TAFA4: variants seen among roughly 807,000 people sequenced by gnomAD.
TAFA4 encodes chemokine-like protein TAFA-4.
A neutral mutation model predicts 21.1 loss-of-function variants in TAFA4; 20 were observed. The observed-to-expected ratio is 0.95, with a 90% confidence interval of 0.67 to 1.38. The LOEUF is 1.38. Among genes scored for constraint, TAFA4 ranks in the 40% most tolerant of loss-of-function variants. TAFA4 has a pLI of 0.00. For synonymous variants in TAFA4, 71 were observed against 67.4 expected, an observed-to-expected ratio of 1.05 and a Z score of -0.26; for missense variants, 211 against 180.9, an observed-to-expected ratio of 1.17 and a Z score of -0.95.
intron 1 of TAFA4, among the ~76,000 whole-genome samples, chr3:68,903,240 C>T (rs950149411): frequency 8.5e-5 from 13 of 152,060 alleles, no homozygotes; most frequent in Admixed American, 3.3e-4. Flanking sequence ...CTGCCAGCCT[C>T]GAGAATGGGA....
At chr3:68,743,941 A>G (rs1193468270) in intron 4 of TAFA4, among the ~76,000 whole-genome samples, 1 of 152,210 alleles carries the variant, frequency 6.6e-6, no homozygotes, top group African/African-American at 2.4e-5. Flanking sequence ...TCTGAATACC[A>G]CAGATTGGTT....
At chr3:68,852,693 A>G (rs1390786163) in intron 3 of TAFA4, among the ~76,000 whole-genome samples, 4 of 152,166 alleles carry the variant, frequency 2.6e-5, no homozygotes, top group African/African-American at 9.7e-5. Flanking sequence ...ACCCATGATC[A>G]ATTTCTTTTC....
chr3:68,844,304 TA>T (rs1237486736), intron 3 of TAFA4, among the ~76,000 whole-genome samples: 2 of 152,220 alleles, frequency 1.3e-5, no homozygotes, highest in Admixed American at 1.3e-4. Context: ...TTTATTTGCA[TA>T]GAGGTGTTTA....
intron 3 of TAFA4, among the ~76,000 whole-genome samples, chr3:68,878,466 T>C (rs2089578976): frequency 6.6e-6 from 1 of 152,204 alleles, no homozygotes; most frequent in Admixed American, 6.5e-5. Context: ...GTTGAGTTTC[T>C]GAAACTTCCT....
rs146387949 is a variant in TAFA4 at position 68,856,928 on chromosome 3, G to A, written c.130+23802C>T. ...GTGACCTTGAGTTACACACAGAATG[G>A]GTCTGAGCCTCAACATAAACATGAC... On this transcript the variant is annotated intron_variant, in intron 3 of 5. Transcript: ENST00000295569. Among the ~76,000 whole-genome samples, 480 of 152,104 alleles carry A rather than the reference G, an allele frequency of 3.2e-3. 2 individuals are homozygous for A. Among genetic ancestry groups the A allele is most frequent in the African/African-American group, 0.011 (460 of 41,470 alleles).
chr3:68,856,653 G>A (rs1257977944), intron 3 of TAFA4, among the ~76,000 whole-genome samples: 2 of 152,082 alleles, frequency 1.3e-5, no homozygotes, highest in Non-Finnish European at 2.9e-5. Flanking sequence ...GATATTACAG[G>A]TTCCACTTTC....
At chr3:68,745,943 A>T (rs1254280178) in intron 4 of TAFA4, among the ~76,000 whole-genome samples, 2 of 152,188 alleles carry the variant, frequency 1.3e-5, no homozygotes, top group Non-Finnish European at 2.9e-5. Context: ...GCCAAAGGAG[A>T]TTAACATTTG....
intron 1 of TAFA4, among the ~76,000 whole-genome samples, chr3:68,900,849 A>G (rs2106983737): frequency 6.6e-6 from 1 of 152,360 alleles, no homozygotes; most frequent in African/African-American, 2.4e-5. Context: ...GAAATTTTTA[A>G]CCAAAGATAC....
In TAFA4 at chr3:68,811,155, A is replaced by C. The variant is rs145035085; in HGVS notation, c.131-58137T>G. ...ACTAACAAACAGAAAGGACATCCAC[A>C]CCAAAACCCCATCTGTCGGTCACCA... On this transcript the variant is annotated intron_variant, in intron 3 of 5. Coordinates refer to ENST00000295569, the MANE Select transcript of TAFA4 (RefSeq NM_182522.5). Among the ~76,000 whole-genome samples, 64 of 152,272 alleles carry C rather than the reference A, an allele frequency of 4.2e-4. No individual in the cohort carries two copies. In the East Asian group the frequency reaches 0.011, roughly 27 times the overall value.
chr3:68,841,375 T>C (rs1489043104), intron 3 of TAFA4, among the ~76,000 whole-genome samples: 1 of 151,738 alleles, frequency 6.6e-6, no homozygotes, highest in Non-Finnish European at 1.5e-5. Context: ...TCCACAAAAC[T>C]TTTAATTTGC....
chr3:68,776,517 A>C (rs1274601740), intron 3 of TAFA4, among the ~76,000 whole-genome samples: 1 of 152,220 alleles, frequency 6.6e-6, no homozygotes, highest in Non-Finnish European at 1.5e-5. Context: ...TGTGAAACAA[A>C]AGTGTTGGAA....
chr3:68,791,757 T>C (rs1703365364), intron 3 of TAFA4, among the ~76,000 whole-genome samples: 1 of 152,212 alleles, frequency 6.6e-6, no homozygotes, highest in South Asian at 2.1e-4. Context: ...AAGGCAGCTA[T>C]GTTACCTAGT....
chr3:68,882,071 T>C (rs901292434), intron 2 of TAFA4, among the ~76,000 whole-genome samples: 1 of 152,230 alleles, frequency 6.6e-6, no homozygotes, highest in African/African-American at 2.4e-5. Flanking sequence ...GCTTTTTAAG[T>C]AGCCAGGCCA....
In TAFA4 at chr3:68,810,557, A is replaced by G. The variant is rs372878012; in HGVS notation, c.131-57539T>C. ...GCCTGGCTCTGAGGGTCCTATGCCC[A>G]CAGAGCCTCACTCATTGCTAGCACA... On this transcript the variant is annotated intron_variant, in intron 3 of 5. Coordinates refer to ENST00000295569, the MANE Select transcript of TAFA4 (RefSeq NM_182522.5). Among the ~76,000 whole-genome samples, 5 of 152,198 alleles carry G rather than the reference A, an allele frequency of 3.3e-5. No homozygotes were observed. The East Asian group carries it at 9.6e-4, about 29-fold the overall frequency.
chr3:68,855,901 C>T lies in TAFA4; in HGVS notation c.130+24829G>A, dbSNP rs1162100944. Among the ~76,000 whole-genome samples, 3 of 152,118 alleles carry T rather than the reference C, an allele frequency of 2.0e-5. No homozygotes were observed. In the East Asian group the frequency reaches 5.8e-4, roughly 29 times the overall value. ...CTCCTGACAGAAAGAGCCAAGCTCA[C>T]TGCCGTGTACCTGTTTTCCTTTGCC... On this transcript the variant is annotated intron_variant, in intron 3 of 5. Transcript: ENST00000295569.
chr3:68,788,524 T>C (rs772208514), intron 3 of TAFA4, among the ~76,000 whole-genome samples: 2 of 152,346 alleles, frequency 1.3e-5, no homozygotes, highest in South Asian at 2.1e-4. Flanking sequence ...TTTGGTGTCA[T>C]AGCCAAAAAA....
At chr3:68,824,435 C>T (rs1272692456) in intron 3 of TAFA4, among the ~76,000 whole-genome samples, 3 of 148,940 alleles carry the variant, frequency 2.0e-5, no homozygotes, top group African/African-American at 4.9e-5. Flanking sequence ...CTCCGACCTC[C>T]GTTTCCATCA....
chr3:68,780,452 G>A (rs2106795487), intron 3 of TAFA4, among the ~76,000 whole-genome samples: 1 of 152,196 alleles, frequency 6.6e-6, no homozygotes, highest in East Asian at 1.9e-4. Context: ...GACCCTGTGG[G>A]AGGTAATTGA....
At chr3:68,777,754 A>C (rs143916411) in intron 3 of TAFA4, among the ~76,000 whole-genome samples, 1 of 152,188 alleles carries the variant, frequency 6.6e-6, no homozygotes, top group Non-Finnish European at 1.5e-5. Context: ...GACGACATAG[A>C]CAATGGTGGA....
Sources: allele counts gnomAD v4.1 joint callset (sites outside exome capture counted in the v4.1 genomes callset), GRCh38; gene constraint gnomAD v4.1.1; transcripts MANE v1.5; gene names NCBI Gene and HGNC (gene_info 2026-07-23, HGNC 2026-07-21).